Variants in MDGA2 observed in about 807,000 individuals in gnomAD.
MDGA2 encodes MAM domain containing glycosylphosphatidylinositol anchor 2.
In MDGA2, 40 loss-of-function variants were observed where a neutral mutation model predicts 117.8. The ratio of observed to expected loss-of-function variants is 0.34; its 90% CI spans 0.26 to 0.44. The LOEUF is 0.44. Ranked by LOEUF, MDGA2 falls within the 20% of genes least tolerant of loss-of-function variation. The pLI, the probability that MDGA2 is intolerant of heterozygous loss-of-function variation, is 1.00. For synonymous variants in MDGA2, 452 were observed against 439.0 expected (o/e 1.03, Z -0.37); for missense variants, 1,123 against 1,250.6 (o/e 0.90, Z 1.54).
chr14:47,257,128 T>C (rs1001048506), intron 2 of MDGA2, among the ~76,000 whole-genome samples: 1 of 152,166 alleles, frequency 6.6e-6, no homozygotes, highest in Non-Finnish European at 1.5e-5. Context: ...TGTACTCCTC[T>C]GTTCAAAGCA....
At chr14:47,334,053 A>T (rs369684336) in intron 1 of MDGA2, among the ~76,000 whole-genome samples, 1 of 151,798 alleles carries the variant, frequency 6.6e-6, no homozygotes. Context: ...TAAGTCTATA[A>T]TGGAATTAGG....
intron 7 of MDGA2, among the ~76,000 whole-genome samples, chr14:47,048,937 C>T (rs1309467904): frequency 6.6e-6 from 1 of 152,066 alleles, no homozygotes; most frequent in Non-Finnish European, 1.5e-5. Context: ...TTTAAAACCA[C>T]ATAAAAACTT....
intron 1 of MDGA2, among the ~76,000 whole-genome samples, chr14:47,579,278 T>C (rs1896183917): frequency 6.6e-6 from 1 of 152,036 alleles, no homozygotes; most frequent in Admixed American, 6.6e-5. Flanking sequence ...GCCATATTTA[T>C]TTTTGTCCTT....
At chr14:47,333,583 T>C (rs1002114229) in intron 1 of MDGA2, among the ~76,000 whole-genome samples, 1 of 151,870 alleles carries the variant, frequency 6.6e-6, no homozygotes, top group South Asian at 2.1e-4. Flanking sequence ...TTGTTAGTAA[T>C]ATAATACAGA....
intron 1 of MDGA2, among the ~76,000 whole-genome samples, chr14:47,540,856 C>T (rs971091878): frequency 7.2e-5 from 11 of 152,066 alleles, no homozygotes; most frequent in Non-Finnish European, 1.6e-4. Context: ...TGAACTACTA[C>T]ACCCAACCAC....
intron 8 of MDGA2, among the ~76,000 whole-genome samples, chr14:47,032,316 G>C (rs1012839136): frequency 1.3e-5 from 2 of 152,086 alleles, no homozygotes; most frequent in African/African-American, 2.4e-5. Context: ...GATGAACATG[G>C]TGGCTCGTAC....
chr14:46,976,811 T>C (rs61992802), intron 8 of MDGA2, among the ~76,000 whole-genome samples: 6,279 of 151,974 alleles, frequency 0.041, 469 homozygotes, highest in East Asian at 0.34. Flanking sequence ...AGGAATATAA[T>C]CTCACAGATA....
chr14:47,084,436 GAAGAA>G (rs959003596), intron 6 of MDGA2, among the ~76,000 whole-genome samples: 2 of 143,608 alleles, frequency 1.4e-5, no homozygotes, highest in Admixed American at 1.4e-4. Flanking sequence ...CAGTAAAAAA[GAAGAA>G]AAGTCTCAAG....
intron 1 of MDGA2, among the ~76,000 whole-genome samples, chr14:47,538,672 A>C (rs920891747): frequency 3.9e-5 from 6 of 152,072 alleles, no homozygotes; most frequent in African/African-American, 1.4e-4. Flanking sequence ...TTACCACATG[A>C]TGTGATTGTG....
At chr14:46,888,600 A>C (rs3007097) in intron 10 of MDGA2, among the ~76,000 whole-genome samples, 151,715 of 151,932 alleles carry the variant, frequency 1, 75,749 homozygotes, top group Middle Eastern at 1. Context: ...GGAGGAAAAA[A>C]CATGTTAATT....
chr14:46,981,753 C>A (rs770120344), intron 8 of MDGA2, among the ~76,000 whole-genome samples: 1 of 152,014 alleles, frequency 6.6e-6, no homozygotes, highest in Non-Finnish European at 1.5e-5. Context: ...AGAAAGAAGT[C>A]GAGAAAATTG....
intron 1 of MDGA2, among the ~76,000 whole-genome samples, chr14:47,576,116 A>G (rs905052057): frequency 3.3e-5 from 5 of 152,222 alleles, no homozygotes; most frequent in Admixed American, 6.5e-5. Flanking sequence ...ATGTATGCTT[A>G]TAACTTGGCT....
chr14:46,975,794 C>A lies in MDGA2; in HGVS notation c.1820-18151G>T, dbSNP rs1261357849. ...TTCTAAAGGCAGGGAAGTTCAAGAT[C>A]AGGAAACCAGCAGATTCAGTGTCTG... On this transcript the variant is annotated intron_variant, in intron 8 of 16. Coordinates refer to ENST00000399232, the MANE Select transcript of MDGA2 (RefSeq NM_001113498.3). 8.6e-5 allele frequency among the ~76,000 whole-genome samples: 13 copies of A among 152,020 alleles called. 1 individual carries two copies. The highest frequency in any genetic ancestry group is 7.9e-4 in the Admixed American group (12 of 15,228).
At chr14:47,632,178 T>C (rs1897256554) in intron 1 of MDGA2, among the ~76,000 whole-genome samples, 1 of 152,210 alleles carries the variant, frequency 6.6e-6, no homozygotes, top group Non-Finnish European at 1.5e-5. Flanking sequence ...TCACTTAATA[T>C]GTCCAAGGGC....
At chr14:46,931,572 G>C (rs1291719768) in intron 9 of MDGA2, among the ~76,000 whole-genome samples, 2 of 143,122 alleles carry the variant, frequency 1.4e-5, no homozygotes, top group South Asian at 4.4e-4. Flanking sequence ...ACCCAGGCTG[G>C]ATTGCAGTGG....
chr14:47,445,784 C>A (rs1392471139), intron 1 of MDGA2, among the ~76,000 whole-genome samples: 11 of 152,014 alleles, frequency 7.2e-5, no homozygotes, highest in Middle Eastern at 3.2e-3. Context: ...TTGCTGCACA[C>A]CAACTTCCTT....
At chr14:47,210,289 T>C (rs571943872) in intron 3 of MDGA2, among the ~76,000 whole-genome samples, 35 of 152,180 alleles carry the variant, frequency 2.3e-4, no homozygotes, top group Non-Finnish European at 5.0e-4. Flanking sequence ...ACATGTTTAA[T>C]GGATATTGGA....
intron 3 of MDGA2, among the ~76,000 whole-genome samples, chr14:47,172,542 T>C (rs1884205583): frequency 6.6e-6 from 1 of 152,126 alleles, no homozygotes; most frequent in Non-Finnish European, 1.5e-5. Flanking sequence ...CAAACAGGGT[T>C]TGGAGTGGAC....
chr14:47,602,220 G>T (rs977063631), intron 1 of MDGA2, among the ~76,000 whole-genome samples: 2 of 151,900 alleles, frequency 1.3e-5, no homozygotes, highest in South Asian at 2.1e-4. Flanking sequence ...ACAACCAATC[G>T]ACAGACCCAG....
Sources: gnomAD v4.1 joint callset for allele counts (sites outside exome capture counted in the v4.1 genomes callset) on GRCh38, gnomAD v4.1.1 for gene constraint, MANE v1.5 for transcripts, NCBI Gene and HGNC (gene_info 2026-07-23, HGNC 2026-07-21) for gene names.